BBOX1: variants seen among roughly 807,000 people sequenced by gnomAD.
BBOX1 encodes the protein gamma-butyrobetaine hydroxylase 1.
BBOX1 carries 35 observed loss-of-function variants against 41.6 expected under a neutral mutation model. The ratio of observed to expected loss-of-function variants is 0.84; its 90% CI spans 0.64 to 1.11. BBOX1 has a LOEUF of 1.11. BBOX1 is among the 50% of genes most tolerant of loss of function. The pLI is 0.00. For synonymous variants in BBOX1, 163 were observed against 154.7 expected (o/e 1.05, Z -0.40); for missense variants, 458 against 460.6 (o/e 0.99, Z 0.05).
Position 27,127,505 on chromosome 11 carries a change from T to C in BBOX1, c.*52T>C, listed in dbSNP as rs1244397308. 1 of 1,540,016 alleles carries C rather than the reference T, an allele frequency of 6.5e-7. No individual in the cohort carries two copies. The highest frequency in any genetic ancestry group is 1.4e-5 in the African/African-American group (1 of 71,892). On this transcript the variant is annotated 3_prime_UTR_variant, in exon 9 of 9. Coordinates refer to ENST00000263182, the MANE Select transcript of BBOX1 (RefSeq NM_003986.3). ...ATTCCAATGACCATATTTTGTGAGA[T>C]ATGGCACATTATTCACAGACCATGA...
At chr11:27,108,940 C>A (rs1017347833) in intron 5 of BBOX1, among the ~76,000 whole-genome samples, 2 of 152,042 alleles carry the variant, frequency 1.3e-5, no homozygotes, top group Non-Finnish European at 2.9e-5. Context: ...AATGAAAGCT[C>A]ATAAAAGTCA....
At chr11:27,116,526 A>G (rs543103928) in intron 6 of BBOX1, among the ~76,000 whole-genome samples, 1 of 151,968 alleles carries the variant, frequency 6.6e-6, no homozygotes, top group African/African-American at 2.4e-5. Context: ...GAAAACATCC[A>G]TTTACTTAGC....
chr11:27,088,368 T>C (rs1455066953), intron 4 of BBOX1, among the ~76,000 whole-genome samples: 1 of 152,086 alleles, frequency 6.6e-6, no homozygotes, highest in African/African-American at 2.4e-5. Flanking sequence ...CACTGAAATA[T>C]AGTGGCACAT....
At chr11:27,072,544 C>CT (rs1156831773) in intron 4 of BBOX1, among the ~76,000 whole-genome samples, 2 of 152,098 alleles carry the variant, frequency 1.3e-5, no homozygotes, top group Non-Finnish European at 2.9e-5. Flanking sequence ...CTACCAATGA[C>CT]TTCGTCACAG....
intron 2 of BBOX1, among the ~76,000 whole-genome samples, chr11:27,042,097 T>C (rs1211826914): frequency 6.6e-6 from 1 of 152,220 alleles, no homozygotes; most frequent in Non-Finnish European, 1.5e-5. Context: ...TTTCTCATAA[T>C]GAATATATGT....
chr11:27,051,389 A>G (rs1228894672), intron 2 of BBOX1, among the ~76,000 whole-genome samples: 1 of 151,996 alleles, frequency 6.6e-6, no homozygotes, highest in Non-Finnish European at 1.5e-5. Context: ...TTTTTGGGGA[A>G]AATTTGAGTA....
At chr11:27,055,273 G>A (rs975412989) in intron 2 of BBOX1, 120 bp from the exon 3 acceptor site, 10 of 621,192 alleles carry the variant, frequency 1.6e-5, no homozygotes, top group South Asian at 2.4e-5. Context: ...AAGTCAAACC[G>A]CAGACTCTGA....
intron 4 of BBOX1, among the ~76,000 whole-genome samples, chr11:27,090,611 C>T (rs1418111535): frequency 6.6e-6 from 1 of 151,900 alleles, no homozygotes; most frequent in East Asian, 1.9e-4. Flanking sequence ...CAGCGGTGCA[C>T]GTATTGTCTG....
chr11:27,072,533 G>C (rs1379422604), intron 4 of BBOX1, among the ~76,000 whole-genome samples: 3 of 152,116 alleles, frequency 2.0e-5, no homozygotes, highest in African/African-American at 7.2e-5. Context: ...TCCCCATCAA[G>C]CTACCAATGA....
At chr11:27,055,723 ACT>A in intron 3 of BBOX1, 74 bp downstream of exon 3, 3 of 1,392,876 alleles carry the variant, frequency 2.2e-6, no homozygotes, top group Non-Finnish European at 3.0e-6. Flanking sequence ...AATTTAGATA[ACT>A]CTTTTTTATT....
intron 4 of BBOX1, among the ~76,000 whole-genome samples, chr11:27,060,512 A>C (rs190507424): frequency 6.6e-6 from 1 of 152,306 alleles, no homozygotes; most frequent in East Asian, 1.9e-4. Context: ...TGAGTTTTGT[A>C]ACACCTCTCC....
At position 27,127,741 on chromosome 11, in the gene BBOX1, G is replaced by T; in HGVS notation, c.*288G>T. ...TCCAGAATGTCTACAAATAGTTTTT[G>T]TAGCAAATGAAAATTTCTTCAAATA... On this transcript the variant is annotated 3_prime_UTR_variant, in exon 9 of 9. Coordinates refer to ENST00000263182, the MANE Select transcript of BBOX1 (RefSeq NM_003986.3). 3.7e-6 allele frequency: 1 copy of T among 272,120 alleles called. No homozygotes were observed. Among genetic ancestry groups the T allele is most frequent in the Non-Finnish European group, 6.8e-6 (1 of 147,472 alleles). 16.9% of individuals were successfully genotyped at this position (272,120 alleles called of 1,614,324 possible). A position where few individuals can be genotyped will look rare whatever the true frequency, so the allele number is the denominator to read the frequency against.
chr11:27,053,793 G>A (rs891777371), intron 2 of BBOX1, among the ~76,000 whole-genome samples: 1 of 151,938 alleles, frequency 6.6e-6, no homozygotes, highest in Non-Finnish European at 1.5e-5. Flanking sequence ...TATAATTTTT[G>A]ATTATTTTTA....
intron 2 of BBOX1, among the ~76,000 whole-genome samples, chr11:27,050,818 G>C (rs1851649461): frequency 6.6e-6 from 1 of 152,024 alleles, no homozygotes; most frequent in African/African-American, 2.4e-5. Flanking sequence ...AGATTTGGAT[G>C]CCTTTCATTT....
chr11:27,048,898 T>TC (rs1159644592), intron 2 of BBOX1, among the ~76,000 whole-genome samples: 2 of 56,594 alleles, frequency 3.5e-5, no homozygotes, highest in Admixed American at 2.6e-4. Context: ...CCCTCCCCCC[T>TC]CCCCCCACCC....
rs543968561 is a variant in BBOX1 at position 27,125,559 on chromosome 11, G to A, written c.837-95G>A. 5.6e-6 allele frequency: 6 copies of A among 1,069,086 alleles called. No homozygotes were observed. In the East Asian group the frequency reaches 8.1e-5, roughly 14 times the overall value. 66.2% of individuals were successfully genotyped at this position (1,069,086 alleles called of 1,614,324 possible). A position where few individuals can be genotyped will look rare whatever the true frequency, so the allele number is the denominator to read the frequency against. On this transcript the variant is annotated intron_variant, in intron 7 of 8. Transcript: ENST00000263182. ...ACATGTATTTGGATTTTTTAATATG[G>A]TGTTTCAAAAATATATTTGAAGAGG...
intron 4 of BBOX1, among the ~76,000 whole-genome samples, chr11:27,091,250 C>T (rs1858232644): frequency 6.6e-6 from 1 of 151,878 alleles, no homozygotes; most frequent in Non-Finnish European, 1.5e-5. Context: ...TCAACTATAG[C>T]AGTGATTATA....
rs180815622 is a variant in BBOX1, at chr11:27,067,982, G to A, written c.334+10667G>A. On this transcript the variant is annotated intron_variant, in intron 4 of 8. Transcript: ENST00000263182. ...TATTTTCTTTATCCATTCATTAGTC[G>A]ATGGGCACTTAGATTGGTCCCATAA... Among the ~76,000 whole-genome samples the A allele has an allele frequency of 2.6e-3, 392 of 152,050 alleles. 2 individuals carry two copies. Among genetic ancestry groups the A allele is most frequent in the African/African-American group, 5.6e-3 (231 of 41,480 alleles).
rs1249489431 is a variant in BBOX1, at chr11:27,125,806, T to G, written c.989T>G (p.Phe330Cys). The G allele has an allele frequency of 6.2e-7, 1 of 1,610,326 alleles. No homozygotes were observed. Among genetic ancestry groups the G allele is most frequent in the Non-Finnish European group, 8.5e-7 (1 of 1,178,872 alleles). ...AACAGCAAAGAATCCAAGTTTACCT[T>G]CAAGATGAATCCAGGTCAGTGAATA... ...LMNSKESKFTFKMNPGDVITF... is the reference protein window; with the variant it reads ...LMNSKESKFTCKMNPGDVITF... The change falls in exon 8 of 9, where the codon TTC (phenylalanine) becomes TGC (cysteine). Residue 330 changes from phenylalanine (F) to cysteine (C), a missense_variant. Phe to Cys is a radical substitution (Grantham distance 205). Coordinates refer to ENST00000263182, the MANE Select transcript of BBOX1 (RefSeq NM_003986.3).
Sources: gnomAD v4.1 joint callset for allele counts (sites outside exome capture counted in the v4.1 genomes callset) on GRCh38, gnomAD v4.1.1 for gene constraint, MANE v1.5 for transcripts, NCBI Gene and HGNC (gene_info 2026-07-23, HGNC 2026-07-21) for gene names.